The following DLGAP5 variants were observed in gnomAD, a reference collection of about 807,000 sequenced individuals.
DLGAP5 encodes disks large-associated protein 5.
In DLGAP5, 90 loss-of-function variants were observed where a neutral mutation model predicts 99.6. The observed-to-expected ratio is 0.90, with a 90% CI of 0.76 to 1.08. The LOEUF is 1.08. DLGAP5 is among the 50% of genes least tolerant of loss of function. DLGAP5 has a pLI of 0.00. For synonymous variants in DLGAP5, 311 were observed against 321.3 expected, an observed-to-expected ratio of 0.97 and a Z score of 0.34; for missense variants, 1,036 against 983.5, an observed-to-expected ratio of 1.05 and a Z score of -0.71.
chr14:55,172,638 A>G (rs1334931600), intron 10 of DLGAP5, among the ~76,000 whole-genome samples: 2 of 152,032 alleles, frequency 1.3e-5, no homozygotes, highest in Non-Finnish European at 2.9e-5. Context: ...AACAGAAACA[A>G]AAACAAAAAA....
intron 6 of DLGAP5, 53 bp from the exon 7 acceptor site, chr14:55,179,752 T>A: frequency 7.0e-7 from 1 of 1,435,212 alleles, no homozygotes; most frequent in Non-Finnish European, 9.6e-7. Context: ...TACATGAAAA[T>A]ACTAGGTAAC....
Position 55,180,695 on chromosome 14 carries a change from A to G in DLGAP5, c.664T>C (p.Ser222Pro), listed in dbSNP as rs774409448. The change falls in exon 6 of 19, where the codon TCT (serine) becomes CCT (proline). Residue 222 changes from serine to proline, a missense_variant. Physicochemically the swap from Ser to Pro is moderately conservative, Grantham distance 74. Coordinates refer to ENST00000247191, the MANE Select transcript of DLGAP5 (RefSeq NM_014750.5). ...AAKQVPRTVSSTTARKPVTRA... is the reference protein window; with the variant it reads ...AAKQVPRTVSPTTARKPVTRA... Reference sequence around the variant, plus strand: ...GTGACTGGCTTTCTTGCTGTGGTAGATGAGACTGTTCTGGGAACCTGCTTT... The same window carrying G: ...GTGACTGGCTTTCTTGCTGTGGTAGGTGAGACTGTTCTGGGAACCTGCTTT... The G allele has an allele frequency of 1.9e-6, 3 of 1,614,188 alleles. No individual in the cohort carries two copies. Among genetic ancestry groups the G allele is most frequent in the Non-Finnish European group, 2.5e-6 (3 of 1,180,028 alleles).
chr14:55,175,902 C>CA lies in DLGAP5; in HGVS notation c.1165dup (p.Trp389LeufsTer3), dbSNP rs1170656096. The CA allele has an allele frequency of 6.3e-7, 1 of 1,591,590 alleles. No individual in the cohort carries two copies. The highest frequency in any genetic ancestry group is 8.6e-7 in the Non-Finnish European group (1 of 1,167,502). Reference sequence around the variant, plus strand: ...TTAATTAAATACTATACCTTCATGCCAAACAGTTAGAGGACCCAAAGGACA... The same window carrying CA: ...TTAATTAAATACTATACCTTCATGCCAAAACAGTTAGAGGACCCAAAGGACA... On this transcript the variant is annotated frameshift_variant, in exon 9 of 19. Coordinates refer to ENST00000247191, the MANE Select transcript of DLGAP5 (RefSeq NM_014750.5). LOFTEE classifies it high-confidence loss of function.
chr14:55,186,220 G>A (rs8010993), intron 2 of DLGAP5, among the ~76,000 whole-genome samples: 22,116 of 152,136 alleles, frequency 0.15, 2,170 homozygotes, highest in African/African-American at 0.28. Flanking sequence ...GCGGTGAGCC[G>A]AGATCGTGCC....
chr14:55,175,814 G>C, intron 9 of DLGAP5, 80 bp downstream of exon 9: 1 of 1,220,742 alleles, frequency 8.2e-7, no homozygotes. Flanking sequence ...AAGTAAAAAT[G>C]TAATTACTAT....
intron 14 of DLGAP5, among the ~76,000 whole-genome samples, chr14:55,156,605 T>G (rs1372504136): frequency 6.6e-6 from 1 of 152,202 alleles, no homozygotes; most frequent in East Asian, 1.9e-4. Flanking sequence ...CCTACCCATG[T>G]GCAGAGAGTT....
chr14:55,167,611 ACTCT>A (rs1594672051), intron 12 of DLGAP5, among the ~76,000 whole-genome samples: 1 of 152,048 alleles, frequency 6.6e-6, no homozygotes, highest in Non-Finnish European at 1.5e-5. Flanking sequence ...TTCTTGGGTA[ACTCT>A]CTCATCTTTG....
In DLGAP5 at chr14:55,183,767, A is replaced by C; in HGVS notation, c.239-14T>G. The C allele has an allele frequency of 3.9e-6, 6 of 1,544,274 alleles. No homozygotes were observed. The highest frequency in any genetic ancestry group is 5.2e-6 in the Non-Finnish European group (6 of 1,150,920). On this transcript the variant is annotated splice_polypyrimidine_tract_variant and intron_variant, in intron 2 of 18. Coordinates refer to ENST00000247191, the MANE Select transcript of DLGAP5 (RefSeq NM_014750.5). ...TTTTCATTGCCCCTAGGCAGAAAAAAAACCAAAACCACACAGTATATAAAA... is the reference window on the plus strand; with the variant it reads ...TTTTCATTGCCCCTAGGCAGAAAAACAACCAAAACCACACAGTATATAAAA...
At chr14:55,160,388 C>CTA (rs764046608) in intron 13 of DLGAP5, among the ~76,000 whole-genome samples, 81 of 144,832 alleles carry the variant, frequency 5.6e-4, no homozygotes, top group East Asian at 1.0e-3. Context: ...CAGCAAGACT[C>CTA]TATATAAAAA....
At chr14:55,154,198 G>A (rs1882121309) in intron 15 of DLGAP5, among the ~76,000 whole-genome samples, 4 of 152,148 alleles carry the variant, frequency 2.6e-5, no homozygotes, top group Admixed American at 2.0e-4. Flanking sequence ...GGTAAAAAGT[G>A]TCCATCTCTC....
chr14:55,182,147 G>A (rs1355553464), intron 4 of DLGAP5, among the ~76,000 whole-genome samples: 1 of 152,192 alleles, frequency 6.6e-6, no homozygotes, highest in Non-Finnish European at 1.5e-5. Flanking sequence ...AAACAAGAGT[G>A]TGACACAAAG....
intron 7 of DLGAP5, 96 bp downstream of exon 7, chr14:55,179,533 C>T (rs1391481568): frequency 9.8e-7 from 1 of 1,021,712 alleles, no homozygotes; most frequent in East Asian, 2.6e-5. Context: ...TGTAGGTTAA[C>T]CTTTTGAAGC....
chr14:55,153,043 T>A (rs774956836), intron 15 of DLGAP5, among the ~76,000 whole-genome samples: 3 of 152,222 alleles, frequency 2.0e-5, no homozygotes, highest in Non-Finnish European at 4.4e-5. Flanking sequence ...CGTTACTTGT[T>A]AATCCAGGTA....
chr14:55,152,619 C>T lies in DLGAP5; in HGVS notation c.2092G>A (p.Gly698Arg), dbSNP rs1377598302. The stretch of plus-strand genomic sequence containing the variant: ...TTTTCTTCAATTAAATCTGGTAATC[C>T]AGGACACTGAGCATCTTCTATGCTG... ...RSSIEDAQCP[G>R]LPDLIEENHV... Residue 698 changes from glycine to arginine, a missense_variant, in exon 16 of 19, where the codon GGA becomes AGA. Gly to Arg is a moderately radical substitution (Grantham distance 125). Coordinates refer to ENST00000247191, the MANE Select transcript of DLGAP5 (RefSeq NM_014750.5). 1.2e-6 allele frequency: 2 copies of T among 1,601,734 alleles called. No individual in the cohort carries two copies. Among genetic ancestry groups the T allele is most frequent in the East Asian group, 2.2e-5 (1 of 44,618 alleles).
intron 6 of DLGAP5, among the ~76,000 whole-genome samples, chr14:55,180,284 G>A (rs928608526): frequency 5.3e-5 from 8 of 152,182 alleles, no homozygotes; most frequent in African/African-American, 1.7e-4. Flanking sequence ...TTAGAACTGC[G>A]ATCCTACTGT....
intron 2 of DLGAP5, among the ~76,000 whole-genome samples, chr14:55,186,366 T>C (rs753598728): frequency 3.3e-5 from 5 of 152,246 alleles, no homozygotes; most frequent in Non-Finnish European, 2.9e-5. Context: ...CCTTGTTATC[T>C]ATTACAGGGT....
chr14:55,189,123 A>T lies in DLGAP5; in HGVS notation c.57T>A (p.Ile19=). The T allele has an allele frequency of 6.2e-7, 1 of 1,613,960 alleles. No homozygotes were observed. Among genetic ancestry groups the T allele is most frequent in the Non-Finnish European group, 8.5e-7 (1 of 1,179,956 alleles). Residue 19 remains isoleucine (I), a synonymous_variant, in exon 2 of 19, where the codon ATT becomes ATA. Coordinates refer to ENST00000247191, the MANE Select transcript of DLGAP5 (RefSeq NM_014750.5). ...ATTTCCTATGAGCAATTTTAGTTCT[A>T]ATCATTTCAGTACTTATATCCTTCC... is the stretch of plus-strand genomic sequence containing the variant. The part of the protein sequence containing the change: ...RHRKDISTEM[I]RTKIAHRKSL...
chr14:55,159,198 C>G (rs892385931), intron 13 of DLGAP5, among the ~76,000 whole-genome samples: 3 of 152,228 alleles, frequency 2.0e-5, no homozygotes, highest in Non-Finnish European at 4.4e-5. Flanking sequence ...TTTCATCAAA[C>G]TAAAAGATGG....
At chr14:55,181,960 TAA>T (rs1883291915) in intron 4 of DLGAP5, among the ~76,000 whole-genome samples, 1 of 152,252 alleles carries the variant, frequency 6.6e-6, no homozygotes. Flanking sequence ...CCTCACCTGA[TAA>T]AGAGGCATAT....
Sources: allele counts gnomAD v4.1 joint callset (sites outside exome capture counted in the v4.1 genomes callset), GRCh38; gene constraint gnomAD v4.1.1; transcripts MANE v1.5; gene names NCBI Gene and HGNC (gene_info 2026-07-23, HGNC 2026-07-21).